Variants in CGN observed in about 807,000 individuals in gnomAD.
The protein encoded by CGN is cingulin.
In CGN, 121 loss-of-function variants were observed where a neutral mutation model predicts 157.1. The ratio of observed to expected loss-of-function variants is 0.77; its 90% confidence interval spans 0.66 to 0.90. CGN has a LOEUF of 0.90. CGN is among the 40% of genes least tolerant of loss of function. The pLI is 0.00. For synonymous variants in CGN, 535 were observed against 607.5 expected, an observed-to-expected ratio of 0.88 and a Z score of 1.76; for missense variants, 1,424 against 1,520.9, an observed-to-expected ratio of 0.94 and a Z score of 1.06.
chr1:151,512,060 A>C (rs1664313762), intron 1 of CGN, among the ~76,000 whole-genome samples: 1 of 152,142 alleles, frequency 6.6e-6, no homozygotes, highest in South Asian at 2.1e-4. Context: ...GGCCGAAGGC[A>C]GTTGCGAATC....
At chr1:151,531,143 G>GAA (rs1034896438) in intron 13 of CGN, among the ~76,000 whole-genome samples, 1 of 136,558 alleles carries the variant, frequency 7.3e-6, no homozygotes, top group Non-Finnish European at 1.6e-5. Flanking sequence ...TCTGTCTTAA[G>GAA]AAAAAAAAAA....
rs1166438025 is a variant in CGN at position 151,535,893 on chromosome 1, A to G, written c.3192A>G (p.Glu1064=). The change falls in exon 18 of 21, where the codon GAA becomes GAG. Residue 1064 remains glutamate, a synonymous_variant. Transcript: ENST00000271636. ...NQLLQERLQA[E]EREKTVLQST... The stretch of plus-strand genomic sequence containing the variant: ...TGTTGCAGGAGCGGCTACAGGCTGA[A>G]GAGAGGTGACATAAGCCTATCCTTC... 1 of 1,610,520 alleles carries G rather than the reference A, an allele frequency of 6.2e-7. No homozygotes were observed. The highest frequency in any genetic ancestry group is 1.7e-5 in the Admixed American group (1 of 59,994).
At chr1:151,517,974 G>A (rs558979568) in intron 1 of CGN, among the ~76,000 whole-genome samples, 8 of 151,832 alleles carry the variant, frequency 5.3e-5, no homozygotes, top group African/African-American at 1.7e-4. Flanking sequence ...AGCCTCCCAA[G>A]TAGCTGGGAT....
chr1:151,526,065 GT>G (rs1451641127), intron 9 of CGN, among the ~76,000 whole-genome samples: 1 of 151,376 alleles, frequency 6.6e-6, no homozygotes, highest in Non-Finnish European at 1.5e-5. Flanking sequence ...TAGAGATGAG[GT>G]TTTACCATGT....
intron 5 of CGN, among the ~76,000 whole-genome samples, chr1:151,521,916 G>A (rs990696143): frequency 1.3e-5 from 2 of 152,224 alleles, no homozygotes; most frequent in Non-Finnish European, 1.5e-5. Flanking sequence ...CTCTGAGCCT[G>A]TTATAAGGTT....
rs760284344 is a variant in CGN, at chr1:151,520,226, G to T, written c.934G>T (p.Asp312Tyr). 6.2e-6 allele frequency: 10 copies of T among 1,613,874 alleles called. No individual in the cohort carries two copies. Among genetic ancestry groups the T allele is most frequent in the Non-Finnish European group, 8.5e-6 (10 of 1,180,006 alleles). The stretch of plus-strand genomic sequence containing the variant: ...GGAGGCAGCCCCACCAGGCAGTGTG[G>T]ACCATATGAAGGCCACCATCTATGG... ...QQEAAPPGSVDHMKATIYGIL... is the reference protein window; with the variant it reads ...QQEAAPPGSVYHMKATIYGIL... Residue 312 changes from aspartate to tyrosine, a missense_variant, in exon 3 of 21, where the codon GAC (aspartate) becomes TAC (tyrosine). Physicochemically the swap from Asp to Tyr is radical, Grantham distance 160 (BLOSUM62 -3). This residue lies in a region of CGN where 1,187 missense variants were observed against 1,217.6 expected (regional missense o/e 0.97). Coordinates refer to ENST00000271636, the MANE Select transcript of CGN (RefSeq NM_020770.3).
At position 151,520,376 on chromosome 1, in the gene CGN, C is replaced by G. The variant is rs1461116455; in HGVS notation, c.975-38C>G. The G allele has an allele frequency of 1.9e-6, 3 of 1,589,288 alleles. No homozygotes were observed. The East Asian group carries it at 6.7e-5, about 36-fold the overall frequency. On this transcript the variant is annotated intron_variant, in intron 3 of 20. Coordinates refer to ENST00000271636, the MANE Select transcript of CGN (RefSeq NM_020770.3). ...CTTTCCTGATCTCTGCTACCTCTTT[C>G]CTCCCCTAACCCTTGCTTCTATCCT...
rs758673378 is a variant in CGN at position 151,532,531 on chromosome 1, G to T, written c.2701G>T (p.Ala901Ser). ...QRQAKDWASE[A>S]EKTSGGLSRL... The stretch of plus-strand genomic sequence containing the variant: ...CCAGGCCAAGGATTGGGCCAGTGAG[G>T]CTGAGAAGACCTCTGGAGGACTGAG... The change falls in exon 14 of 21, where the codon GCT becomes TCT. Residue 901 changes from alanine to serine, a missense_variant. Ala to Ser is a moderately conservative substitution (Grantham distance 99). Transcript: ENST00000271636. 20 of 1,595,380 alleles carry T rather than the reference G, an allele frequency of 1.3e-5. No homozygotes were observed. Among genetic ancestry groups the T allele is most frequent in the Non-Finnish European group, 1.6e-5 (19 of 1,172,620 alleles).
Position 151,518,741 on chromosome 1 carries a change from C to G in CGN, c.222C>G (p.Gly74=), listed in dbSNP as rs144269614. ...PFVVLNSGEK[G]GDSFGVQIKG... The stretch of plus-strand genomic sequence containing the variant: ...TGGTGCTCAACAGTGGGGAGAAAGG[C>G]GGTGACTCCTTTGGGGTCCAAATCA... The change falls in exon 2 of 21, where the codon GGC becomes GGG. Residue 74 remains glycine, a synonymous_variant. Transcript: ENST00000271636. 1.5e-5 allele frequency: 25 copies of G among 1,613,986 alleles called. No homozygotes were observed. The highest frequency in any genetic ancestry group is 2.0e-5 in the Non-Finnish European group (24 of 1,180,006).
Position 151,536,548 on chromosome 1 carries a change from C to T in CGN, c.3307-182C>T, listed in dbSNP as rs190971915. On this transcript the variant is annotated intron_variant, in intron 19 of 20. Coordinates refer to ENST00000271636, the MANE Select transcript of CGN (RefSeq NM_020770.3). ...TTGAGTGCTTATGATGTGCTAGGTT[C>T]TGTAAGTATTACACATGTGTTAATA... Among the ~76,000 whole-genome samples, 9 of 152,312 alleles carry T rather than the reference C, an allele frequency of 5.9e-5. No homozygotes were observed. In the East Asian group the frequency reaches 1.5e-3, roughly 26 times the overall value.
Position 151,535,135 on chromosome 1 carries a change from A to T in CGN, c.2994+4A>T. On this transcript the variant is annotated splice_donor_region_variant and intron_variant, in intron 16 of 20. Coordinates refer to ENST00000271636, the MANE Select transcript of CGN (RefSeq NM_020770.3). ...GGTGAATCGTGGCCGGGACCAGGTAACCGCCCCCACCCCTCATCTCTGTTT... is the reference window on the plus strand; with the variant it reads ...GGTGAATCGTGGCCGGGACCAGGTATCCGCCCCCACCCCTCATCTCTGTTT... The T allele has an allele frequency of 6.2e-7, 1 of 1,608,494 alleles. No individual in the cohort carries two copies. Among genetic ancestry groups the T allele is most frequent in the South Asian group, 1.1e-5 (1 of 90,770 alleles).
chr1:151,527,418 G>T (rs1664707291), intron 10 of CGN, among the ~76,000 whole-genome samples: 1 of 152,196 alleles, frequency 6.6e-6, no homozygotes, highest in Non-Finnish European at 1.5e-5. Context: ...ATTTTTGCAG[G>T]CTCAGAAATC....
At position 151,537,315 on chromosome 1, in the gene CGN, C is replaced by T. The variant is rs368479371; in HGVS notation, c.3581C>T (p.Thr1194Met). The change falls in exon 21 of 21, where the codon ACG (threonine) becomes ATG (methionine). Residue 1194 changes from threonine (T) to methionine (M), a missense_variant. Physicochemically the swap from Thr to Met is moderately conservative, Grantham distance 81. Coordinates refer to ENST00000271636, the MANE Select transcript of CGN (RefSeq NM_020770.3). ...YDPSSIASLLTESNLQTSSC is the reference protein window; with the variant it reads ...YDPSSIASLLMESNLQTSSC ...CCCTCGTCCATTGCATCACTGCTTACGGAGAGCAACCTACAGACCAGCTCC... is the reference window on the plus strand; with the variant it reads ...CCCTCGTCCATTGCATCACTGCTTATGGAGAGCAACCTACAGACCAGCTCC... 1.1e-5 allele frequency: 17 copies of T among 1,613,838 alleles called. No individual in the cohort carries two copies. Among genetic ancestry groups the T allele is most frequent in the African/African-American group, 4.0e-5 (3 of 74,894 alleles).
chr1:151,522,290 A>T (rs113179536), intron 5 of CGN, among the ~76,000 whole-genome samples: 181 of 152,226 alleles, frequency 1.2e-3, no homozygotes, highest in African/African-American at 4.1e-3. Context: ...AAATAAGTGA[A>T]TGAAGCAAAC....
intron 11 of CGN, 147 bp from the exon 12 acceptor site, chr1:151,529,762 T>C: frequency 1.2e-6 from 1 of 828,828 alleles, no homozygotes; most frequent in Non-Finnish European, 1.9e-6. Flanking sequence ...GAGAAGCGTC[T>C]GGCTGGTGGC....
chr1:151,516,051 G>C (rs1233624522), intron 1 of CGN, among the ~76,000 whole-genome samples: 4 of 152,178 alleles, frequency 2.6e-5, no homozygotes, highest in Non-Finnish European at 4.4e-5. Context: ...TTCTCTCCCT[G>C]TTCCTTTCTC....
intron 13 of CGN, among the ~76,000 whole-genome samples, chr1:151,531,362 C>T (rs1654525301): frequency 6.6e-6 from 1 of 152,206 alleles, no homozygotes; most frequent in Admixed American, 6.5e-5. Context: ...CTTCAATGGC[C>T]AGCTTGGGCA....
rs914103425 is a variant in CGN at position 151,534,947 on chromosome 1, A to G, written c.2905-95A>G. 6 of 843,520 alleles carry G rather than the reference A, an allele frequency of 7.1e-6. 1 individual carries two copies. Among genetic ancestry groups the G allele is most frequent in the Admixed American group, 6.3e-5 (3 of 47,486 alleles). 52.3% of individuals were successfully genotyped at this position (843,520 alleles called of 1,614,324 possible). On this transcript the variant is annotated intron_variant, in intron 15 of 20. Transcript: ENST00000271636. ...GTTACTGGGATGTGCAAGAGAGAAA[A>G]GTCTGTTAATGCTGGAGTTTGAGAG...
intron 9 of CGN, 28 bp from the exon 10 acceptor site, chr1:151,526,946 TC>T: frequency 6.2e-7 from 1 of 1,613,978 alleles, no homozygotes; most frequent in Non-Finnish European, 8.5e-7. Context: ...CTGTTCCCTT[TC>T]CCCTTTATTT....
Sources: allele counts gnomAD v4.1 joint callset (sites outside exome capture counted in the v4.1 genomes callset), GRCh38; gene constraint gnomAD v4.1.1; regional missense constraint gnomAD v4.1.1; transcripts MANE v1.5; gene names NCBI Gene and HGNC (gene_info 2026-07-23, HGNC 2026-07-21).